SBF2: variants seen among roughly 807,000 people sequenced by gnomAD.
SBF2 encodes SET binding factor 2.
SBF2 carries 112 observed loss-of-function variants against 225.2 expected under a neutral mutation model. The ratio of observed to expected loss-of-function variants is 0.50; its 90% confidence interval spans 0.43 to 0.58. The LOEUF is 0.58. SBF2 is among the 20% of genes least tolerant of loss of function. SBF2 has a pLI of 0.00. For missense variants in SBF2, 1,996 were observed against 2,206.2 expected (o/e 0.90, Z 1.91); for synonymous variants, 763 against 773.3 (o/e 0.99, Z 0.22).
At chr11:10,144,754 A>T (rs1189990146) in intron 2 of SBF2, among the ~76,000 whole-genome samples, 4 of 152,322 alleles carry the variant, frequency 2.6e-5, no homozygotes, top group Middle Eastern at 6.8e-3. Context: ...TTATGGTCTC[A>T]TGGTACAAGG....
intron 13 of SBF2, among the ~76,000 whole-genome samples, chr11:9,981,809 C>T (rs1487806157): frequency 6.6e-6 from 1 of 152,094 alleles, no homozygotes; most frequent in Non-Finnish European, 1.5e-5. Context: ...GAAACAGTAT[C>T]GAATGTTACA....
At chr11:10,097,088 A>G (rs1377329587) in intron 2 of SBF2, among the ~76,000 whole-genome samples, 1 of 152,194 alleles carries the variant, frequency 6.6e-6, no homozygotes, top group Admixed American at 6.5e-5. Context: ...CCTTCAGTAG[A>G]TGATTAAGTC....
chr11:9,974,655 CAAA>C (rs756406933), intron 13 of SBF2, among the ~76,000 whole-genome samples: 6 of 98,406 alleles, frequency 6.1e-5, no homozygotes, highest in Admixed American at 1.1e-4. Context: ...CAACACCGCC[CAAA>C]AAAAAAAAAA....
intron 1 of SBF2, among the ~76,000 whole-genome samples, chr11:10,246,206 G>A (rs1349229180): frequency 1.3e-5 from 2 of 152,204 alleles, no homozygotes; most frequent in African/African-American, 4.8e-5. Context: ...ACACTGTAGT[G>A]ACGCTTTAAA....
At chr11:10,246,473 G>A (rs1027217068) in intron 1 of SBF2, among the ~76,000 whole-genome samples, 3 of 152,048 alleles carry the variant, frequency 2.0e-5, no homozygotes, top group Admixed American at 1.3e-4. Flanking sequence ...TAGTAGACAC[G>A]GGGTTTCACC....
chr11:9,958,719 C>G (rs1055454842), intron 16 of SBF2: 2 of 382,150 alleles, frequency 5.2e-6, no homozygotes, highest in Non-Finnish European at 1.1e-5. Context: ...AGGGGCTTGA[C>G]AGCTGGAGGT....
At chr11:10,229,035 T>C (rs1958705119) in intron 1 of SBF2, among the ~76,000 whole-genome samples, 1 of 152,310 alleles carries the variant, frequency 6.6e-6, no homozygotes, top group South Asian at 2.1e-4. Flanking sequence ...AACTTCTTCC[T>C]GGTTTAGTCT....
intron 17 of SBF2, among the ~76,000 whole-genome samples, chr11:9,872,119 C>A (rs1858824804): frequency 6.6e-6 from 1 of 152,122 alleles, no homozygotes; most frequent in African/African-American, 2.4e-5. Flanking sequence ...TATATATACA[C>A]CATGGAAACT....
At chr11:9,996,537 G>A (rs1402671689) in intron 9 of SBF2, among the ~76,000 whole-genome samples, 1 of 152,042 alleles carries the variant, frequency 6.6e-6, no homozygotes, top group Non-Finnish European at 1.5e-5. Flanking sequence ...TTACAGGCGT[G>A]CGCCACCACG....
intron 13 of SBF2, among the ~76,000 whole-genome samples, chr11:9,973,121 T>C (rs1016058450): frequency 1.8e-4 from 27 of 152,224 alleles, no homozygotes; most frequent in African/African-American, 6.0e-4. Flanking sequence ...ATTTGCTACC[T>C]TGAACCTAAC....
At chr11:10,027,365 T>C (rs2134622066) in intron 6 of SBF2, among the ~76,000 whole-genome samples, 1 of 152,334 alleles carries the variant, frequency 6.6e-6, no homozygotes, top group South Asian at 2.1e-4. Flanking sequence ...TCTAAGGCTT[T>C]CTAACTTTCA....
upstream of SBF2, among the ~76,000 whole-genome samples, chr11:10,294,462 A>G (rs1298719604): frequency 6.6e-6 from 1 of 152,142 alleles, no homozygotes; most frequent in Non-Finnish European, 1.5e-5. Flanking sequence ...TTCCTAAAGC[A>G]GGGGGTCCTT....
At chr11:10,158,129 C>G (rs895367499) in intron 2 of SBF2, among the ~76,000 whole-genome samples, 1 of 151,968 alleles carries the variant, frequency 6.6e-6, no homozygotes, top group African/African-American at 2.4e-5. Context: ...AAAAAAATAT[C>G]TTGAGAAAGT....
At chr11:9,998,942 T>C (rs1173831293) in intron 8 of SBF2, among the ~76,000 whole-genome samples, 1 of 152,218 alleles carries the variant, frequency 6.6e-6, no homozygotes, top group Non-Finnish European at 1.5e-5. Context: ...AGGATTGCAT[T>C]TGAGACACTT....
chr11:10,195,410 T>C (rs1461954493), intron 1 of SBF2, among the ~76,000 whole-genome samples: 2 of 152,246 alleles, frequency 1.3e-5, no homozygotes, highest in Non-Finnish European at 2.9e-5. Context: ...AAGGTACATG[T>C]TAAATCTAAA....
At chr11:10,048,103 G>T (rs1402377830) in intron 2 of SBF2, among the ~76,000 whole-genome samples, 2 of 152,108 alleles carry the variant, frequency 1.3e-5, no homozygotes, top group Non-Finnish European at 2.9e-5. Context: ...ATCTGTGGAG[G>T]ATTGGTTCCA....
chr11:9,917,469 T>C (rs1461518577), intron 16 of SBF2, among the ~76,000 whole-genome samples: 2 of 151,430 alleles, frequency 1.3e-5, no homozygotes, highest in Non-Finnish European at 2.9e-5. Context: ...GTAGCTGGGA[T>C]TACAGGCACA....
At chr11:10,162,886 T>C (rs908601630) in intron 2 of SBF2, among the ~76,000 whole-genome samples, 2 of 152,206 alleles carry the variant, frequency 1.3e-5, no homozygotes, top group African/African-American at 4.8e-5. Context: ...ACAGCATTCC[T>C]CAGACTGTCC....
intron 1 of SBF2, among the ~76,000 whole-genome samples, chr11:10,280,757 G>A (rs975400287): frequency 5.3e-5 from 8 of 151,212 alleles, no homozygotes; most frequent in Non-Finnish European, 1.5e-5. Flanking sequence ...GTGTACTGCA[G>A]TATGGGCATG....
Sources: allele counts gnomAD v4.1 joint callset (sites outside exome capture counted in the v4.1 genomes callset), GRCh38; gene constraint gnomAD v4.1.1; transcripts MANE v1.5; gene names NCBI Gene and HGNC (gene_info 2026-07-23, HGNC 2026-07-21).